Variants in PLEKHM3 observed in about 807,000 individuals in gnomAD.
PLEKHM3 encodes pleckstrin homology domain-containing family M member 3.
In PLEKHM3, 45 loss-of-function variants were observed where a neutral mutation model predicts 81.8. The ratio of observed to expected loss-of-function variants is 0.55; its 90% CI spans 0.43 to 0.71. The LOEUF is 0.71. Ranked by LOEUF, PLEKHM3 falls within the 30% of genes least tolerant of loss-of-function variation. The probability of loss-of-function intolerance (pLI) is 0.00; values close to 1 mark genes in which losing one functional copy is unlikely to be tolerated. For synonymous variants in PLEKHM3, 352 were observed against 356.4 expected (o/e 0.99, Z 0.14); for missense variants, 788 against 924.3 (o/e 0.85, Z 1.91).
chr2:207,862,333 C>T (rs1315929597), intron 6 of PLEKHM3, among the ~76,000 whole-genome samples: 2 of 152,132 alleles, frequency 1.3e-5, no homozygotes, highest in Non-Finnish European at 2.9e-5. Context: ...TATAATTTTA[C>T]ATACAAATAA....
At chr2:207,840,648 T>A (rs1314378144) in intron 7 of PLEKHM3, among the ~76,000 whole-genome samples, 1 of 152,230 alleles carries the variant, frequency 6.6e-6, no homozygotes, top group Non-Finnish European at 1.5e-5. Context: ...TCATGTCCTC[T>A]GCCCATTTTC....
At chr2:207,863,580 C>T (rs555964672) in intron 6 of PLEKHM3, among the ~76,000 whole-genome samples, 2 of 152,222 alleles carry the variant, frequency 1.3e-5, no homozygotes, top group Admixed American at 6.5e-5. Flanking sequence ...GTGGTGGCAG[C>T]GGGGGTTGCC....
At position 207,861,009 on chromosome 2, in the gene PLEKHM3, A is replaced by G. The variant is rs996595700; in HGVS notation, c.2108+96T>C. 11 of 1,366,862 alleles carry G rather than the reference A, an allele frequency of 8.0e-6. No individual in the cohort carries two copies. The Admixed American group carries it at 1.0e-4, about 13-fold the overall frequency. 84.7% of individuals were successfully genotyped at this position (1,366,862 alleles called of 1,614,324 possible). ...AAACCTGATCCAGGGTAAGAGACAG[A>G]GATACACTACTTGACTAAAAGTTGG... is the stretch of plus-strand genomic sequence containing the variant. On this transcript the variant is annotated intron_variant, in intron 7 of 7. Transcript: ENST00000427836.
At chr2:207,884,836 T>G (rs1687835030) in intron 6 of PLEKHM3, among the ~76,000 whole-genome samples, 1 of 152,218 alleles carries the variant, frequency 6.6e-6, no homozygotes, top group South Asian at 2.1e-4. Context: ...AATCTGGCCC[T>G]GCCTACTCCC....
chr2:207,996,154 T>G (rs760877249), intron 2 of PLEKHM3, among the ~76,000 whole-genome samples: 82 of 152,190 alleles, frequency 5.4e-4, no homozygotes, highest in Admixed American at 1.2e-3. Context: ...TTAGGGGCAC[T>G]TTATAAGCCA....
At chr2:207,928,288 A>T (rs1689473617) in intron 5 of PLEKHM3, among the ~76,000 whole-genome samples, 1 of 152,244 alleles carries the variant, frequency 6.6e-6, no homozygotes, top group African/African-American at 2.4e-5. Flanking sequence ...CAAGCACTGT[A>T]TAAGCAGAAA....
chr2:207,874,700 T>A, intron 6 of PLEKHM3, among the ~76,000 whole-genome samples: 1 of 152,018 alleles, frequency 6.6e-6, no homozygotes. Flanking sequence ...CAAGTGATTC[T>A]TCTGCCTCAG....
chr2:207,935,196 G>A (rs1464916112), intron 4 of PLEKHM3, among the ~76,000 whole-genome samples: 2 of 152,192 alleles, frequency 1.3e-5, no homozygotes, highest in Non-Finnish European at 2.9e-5. Flanking sequence ...TAAGATGTAT[G>A]CCACACACCA....
intron 5 of PLEKHM3, among the ~76,000 whole-genome samples, chr2:207,925,589 G>A (rs1689366921): frequency 6.6e-6 from 1 of 152,208 alleles, no homozygotes; most frequent in Non-Finnish European, 1.5e-5. Context: ...AATGAGCTCT[G>A]AGCTCAGGCC....
At chr2:207,868,946 T>C (rs1049638685) in intron 6 of PLEKHM3, 1 of 152,176 alleles carries the variant, frequency 6.6e-6, no homozygotes, top group Non-Finnish European at 1.5e-5. Context: ...GGTATTGCTG[T>C]AAATAAGAAA....
chr2:207,993,880 A>T (rs1267109280), intron 2 of PLEKHM3, among the ~76,000 whole-genome samples: 3 of 152,220 alleles, frequency 2.0e-5, no homozygotes, highest in Non-Finnish European at 4.4e-5. Context: ...TTCACCCAGA[A>T]GTAGAGTTAC....
chr2:207,989,466 A>AT (rs1245128026), intron 2 of PLEKHM3, among the ~76,000 whole-genome samples: 1 of 152,088 alleles, frequency 6.6e-6, no homozygotes, highest in Non-Finnish European at 1.5e-5. Context: ...CTTCACTTAG[A>AT]TTTTCCCTTT....
chr2:207,993,432 T>A (rs1273647792), intron 2 of PLEKHM3, among the ~76,000 whole-genome samples: 2 of 151,844 alleles, frequency 1.3e-5, no homozygotes, highest in African/African-American at 4.8e-5. Flanking sequence ...CCACCTCTAC[T>A]GGCTCCAAGG....
Position 207,882,612 on chromosome 2 carries a change from CA to C in PLEKHM3, c.1951-21351del, listed in dbSNP as rs375414006. ...GGGCGACAAGAGCAAAACTCCATCT[CA>C]AAAAAAAAAAAAAAAAAAGGCCTGG... On this transcript the variant is annotated intron_variant, in intron 6 of 7. Transcript: ENST00000427836. 4.4e-3 allele frequency among the ~76,000 whole-genome samples: 371 copies of C among 85,134 alleles called. 1 individual carries two copies. Among genetic ancestry groups the C allele is most frequent in the African/African-American group, 0.015 (298 of 20,356 alleles). 55.9% of individuals were successfully genotyped at this position (85,134 alleles called of 152,430 possible). A position where few individuals can be genotyped will look rare whatever the true frequency, so the allele number is the denominator to read the frequency against.
intron 5 of PLEKHM3, among the ~76,000 whole-genome samples, chr2:207,923,905 A>ATATATATATTTT (rs1396762429): frequency 1.5e-3 from 42 of 28,330 alleles, no homozygotes; most frequent in Non-Finnish European, 2.4e-3. Flanking sequence ...ATATATATAT[A>ATATATATATTTT]TTTTTTTTTT....
intron 5 of PLEKHM3, among the ~76,000 whole-genome samples, chr2:207,927,895 T>G (rs55791543): frequency 0.039 from 5,976 of 152,292 alleles, 362 homozygotes; most frequent in African/African-American, 0.14. Context: ...TCTTGGAGAT[T>G]ATTTCACTAA....
At chr2:207,852,706 A>AG (rs1208043575) in intron 7 of PLEKHM3, 1 of 404,752 alleles carries the variant, frequency 2.5e-6, no homozygotes, top group Non-Finnish European at 4.8e-6. Context: ...GAGGGGAGGG[A>AG]GGCAGGGAAA....
chr2:207,985,813 C>CG (rs1236378032), intron 2 of PLEKHM3, among the ~76,000 whole-genome samples: 1 of 151,882 alleles, frequency 6.6e-6, no homozygotes, highest in African/African-American at 2.4e-5. Flanking sequence ...AGTGAAACCC[C>CG]GTCTCTACTA....
At chr2:207,893,790 G>A (rs1432143351) in intron 6 of PLEKHM3, among the ~76,000 whole-genome samples, 1 of 152,084 alleles carries the variant, frequency 6.6e-6, no homozygotes, top group Non-Finnish European at 1.5e-5. Context: ...TACAGAGTGT[G>A]CTAACCTGAA....
Sources: gnomAD v4.1 joint callset for allele counts (sites outside exome capture counted in the v4.1 genomes callset) on GRCh38, gnomAD v4.1.1 for gene constraint, MANE v1.5 for transcripts, NCBI Gene and HGNC (gene_info 2026-07-23, HGNC 2026-07-21) for gene names.